Variants in CEP63 observed in about 807,000 individuals in gnomAD.
The protein encoded by CEP63 is centrosomal protein of 63 kDa.
A neutral mutation model predicts 89.1 loss-of-function variants in CEP63; 84 were observed. That is an observed-to-expected ratio of 0.94 (90% CI 0.79 to 1.13). CEP63 has a LOEUF of 1.13. CEP63 is among the 50% of genes most tolerant of loss of function. The probability of loss-of-function intolerance (pLI) is 0.00; values close to 1 mark genes in which losing one functional copy is unlikely to be tolerated. For missense variants in CEP63, 838 were observed against 813.3 expected (o/e 1.03, Z -0.37); for synonymous variants, 267 against 272.5 (o/e 0.98, Z 0.20).
intron 3 of CEP63, among the ~76,000 whole-genome samples, chr3:134,508,797 A>T (rs1051089459): frequency 6.6e-6 from 1 of 152,156 alleles, no homozygotes; most frequent in African/African-American, 2.4e-5. Context: ...TGGCCTGGGG[A>T]CATACAAGAA....
At chr3:134,731,444 T>G in the CEP63 span, among the ~76,000 whole-genome samples, 1 of 152,084 alleles carries the variant, frequency 6.6e-6, no homozygotes, top group African/African-American at 2.4e-5. Context: ...AAATGAGAAA[T>G]AAACAAACAA....
At chr3:134,701,235 TATACACACATATATAC>T in the CEP63 span, among the ~76,000 whole-genome samples, 2 of 142,902 alleles carry the variant, frequency 1.4e-5, no homozygotes, top group African/African-American at 5.3e-5. Context: ...TATACGTATA[TATACACACATATATAC>T]ATATACACAT....
At chr3:134,586,554 G>A (rs554331949) in intron 10 of CEP63, among the ~76,000 whole-genome samples, 2 of 152,308 alleles carry the variant, frequency 1.3e-5, no homozygotes, top group African/African-American at 4.8e-5. Context: ...TTTTTGCTGA[G>A]AGATCTGCTG....
the CEP63 span, chr3:134,651,472 C>G: frequency 5.9e-6 from 6 of 1,010,280 alleles, no homozygotes; most frequent in Non-Finnish European, 7.1e-6. Context: ...AAAGGAAAGA[C>G]AGCAAAGGGG....
chr3:134,512,143 T>TA (rs1333696192), intron 3 of CEP63, among the ~76,000 whole-genome samples: 1 of 152,230 alleles, frequency 6.6e-6, no homozygotes, highest in African/African-American at 2.4e-5. Context: ...GAATGTCTGT[T>TA]ACACTGAACG....
chr3:134,682,444 G>C, the CEP63 span, among the ~76,000 whole-genome samples: 2 of 152,170 alleles, frequency 1.3e-5, no homozygotes, highest in African/African-American at 4.8e-5. Flanking sequence ...AATAGCAAAA[G>C]CTCTAAAAGA....
the CEP63 span, among the ~76,000 whole-genome samples, chr3:134,781,931 C>G: frequency 1.5e-3 from 228 of 152,258 alleles, no homozygotes; most frequent in African/African-American, 5.1e-3. Context: ...GAAATGCTGA[C>G]TGGAAACAAG....
the CEP63 span, among the ~76,000 whole-genome samples, chr3:134,683,871 G>A: frequency 6.6e-6 from 1 of 151,928 alleles, no homozygotes; most frequent in Non-Finnish European, 1.5e-5. Context: ...ACTGGGTTGG[G>A]GTCACCTGCC....
chr3:134,607,518 T>A, the CEP63 span: 1 of 985,704 alleles, frequency 1.0e-6, no homozygotes, highest in Non-Finnish European at 1.2e-6. Context: ...CAGGCAGTCC[T>A]TTGCTGAGGT....
chr3:134,597,402 A>T, the CEP63 span, among the ~76,000 whole-genome samples: 1 of 152,182 alleles, frequency 6.6e-6, no homozygotes, highest in Non-Finnish European at 1.5e-5. Flanking sequence ...GGCTTTGGGT[A>T]TGCTGACTGC....
At chr3:134,774,454 C>G in the CEP63 span, among the ~76,000 whole-genome samples, 38 of 151,756 alleles carry the variant, frequency 2.5e-4, no homozygotes, top group African/African-American at 9.3e-4. Context: ...AATGAAAGAC[C>G]CTTTTGTTCC....
the CEP63 span, among the ~76,000 whole-genome samples, chr3:134,733,802 G>T: frequency 6.6e-6 from 1 of 152,214 alleles, no homozygotes; most frequent in Non-Finnish European, 1.5e-5. Context: ...CTTCTAGCCT[G>T]CAGAACAAAT....
the CEP63 span, among the ~76,000 whole-genome samples, chr3:134,599,315 C>T: frequency 6.6e-6 from 1 of 152,158 alleles, no homozygotes. Flanking sequence ...GAGAAGCATG[C>T]TGGGCCTCGT....
chr3:134,509,345 A>G (rs1310897060), intron 3 of CEP63, among the ~76,000 whole-genome samples: 1 of 152,192 alleles, frequency 6.6e-6, no homozygotes, highest in Non-Finnish European at 1.5e-5. Context: ...TACAACGAGA[A>G]CAGCACCAGT....
rs797045459 is a variant in CEP63, at chr3:134,547,391, TAGAC to T, written c.989_992del (p.Asp330ValfsTer6). On this transcript the variant is annotated frameshift_variant, in exon 9 of 15. Transcript: ENST00000675561. LOFTEE classifies it high-confidence loss of function. The stretch of plus-strand genomic sequence containing the variant: ...TACACCTCTCAAGGGCAGGGGGACT[TAGAC>T]AGTGTGCTCTCCCAGTTGAATTTTA... 9 of 1,613,790 alleles carry T rather than the reference TAGAC, an allele frequency of 5.6e-6. No individual in the cohort carries two copies. The highest frequency in any genetic ancestry group is 1.6e-4 in the Middle Eastern group (1 of 6,062).
chr3:134,782,520 T>C, the CEP63 span, among the ~76,000 whole-genome samples: 15 of 152,188 alleles, frequency 9.9e-5, no homozygotes, highest in African/African-American at 2.7e-4. Flanking sequence ...TTTCCATCCA[T>C]AACATTATTT....
chr3:134,680,048 G>C, the CEP63 span, among the ~76,000 whole-genome samples: 1 of 152,106 alleles, frequency 6.6e-6, no homozygotes, highest in South Asian at 2.1e-4. Context: ...ATAATAAAAG[G>C]AGATTAAGAC....
the CEP63 span, among the ~76,000 whole-genome samples, chr3:134,679,792 G>A: frequency 9.2e-5 from 14 of 152,182 alleles, no homozygotes; most frequent in South Asian, 8.3e-4. Flanking sequence ...GTGCAACCTC[G>A]GCTCACTGCA....
At chr3:134,667,097 C>T in the CEP63 span, among the ~76,000 whole-genome samples, 3 of 152,224 alleles carry the variant, frequency 2.0e-5, no homozygotes, top group African/African-American at 4.8e-5. Context: ...GCCAGATCCA[C>T]AACAGCTCTC....
Sources: allele counts gnomAD v4.1 joint callset (sites outside exome capture counted in the v4.1 genomes callset), GRCh38; gene constraint gnomAD v4.1.1; transcripts MANE v1.5; gene names NCBI Gene and HGNC (gene_info 2026-07-23, HGNC 2026-07-21).